Variants in ARHGEF18 observed in about 807,000 individuals in gnomAD.
The protein encoded by ARHGEF18 is rho guanine nucleotide exchange factor 18.
A neutral mutation model predicts 155.7 loss-of-function variants in ARHGEF18; 93 were observed. That is an observed-to-expected ratio of 0.60 (90% CI 0.50 to 0.71). The LOEUF (loss-of-function observed/expected upper bound fraction) is 0.71. Ranked by LOEUF, ARHGEF18 falls within the 30% of genes least tolerant of loss-of-function variation. The probability of loss-of-function intolerance (pLI) is 0.00; values close to 1 mark genes in which losing one functional copy is unlikely to be tolerated. For synonymous variants in ARHGEF18, 742 were observed against 753.1 expected (o/e 0.99, Z 0.24); for missense variants, 1,593 against 1,816.1 (o/e 0.88, Z 2.23).
chr19:7,445,365 T>G (rs1974922695), intron 14 of ARHGEF18, among the ~76,000 whole-genome samples: 1 of 152,088 alleles, frequency 6.6e-6, no homozygotes, highest in African/African-American at 2.4e-5. Flanking sequence ...GGAGGATCAC[T>G]TGAGCTTGAG....
chr19:7,356,394 C>T (rs1969307558), intron 1 of ARHGEF18, among the ~76,000 whole-genome samples: 1 of 151,792 alleles, frequency 6.6e-6, no homozygotes, highest in South Asian at 2.1e-4. Context: ...CTGCCTCAGC[C>T]TTTCGGGTAG....
chr19:7,473,728 T>G (rs1486870929), downstream of ARHGEF18, among the ~76,000 whole-genome samples: 2 of 145,258 alleles, frequency 1.4e-5, no homozygotes, highest in East Asian at 2.0e-4. Flanking sequence ...GAGAATGGCG[T>G]GAACCCAGGA....
Position 7,453,680 on chromosome 19 carries a change from T to C in ARHGEF18, c.2069T>C (p.Met690Thr), listed in dbSNP as rs1253395497. 2 of 1,597,128 alleles carry C rather than the reference T, an allele frequency of 1.3e-6. No individual in the cohort carries two copies. Among genetic ancestry groups the C allele is most frequent in the South Asian group, 1.1e-5 (1 of 89,388 alleles). Residue 690 changes from methionine (M) to threonine (T), a missense_variant, in exon 17 of 29, where the codon ATG becomes ACG. Physicochemically the swap from Met to Thr is moderately conservative, Grantham distance 81 (BLOSUM62 -1). Transcript: ENST00000668164. The part of the protein sequence containing the change: ...MLQRQLHLEG[M>T]LCWKTTSGRL... ...CAGCGGCAGCTCCACCTGGAGGGCA[T>C]GCTATGCTGGAAGACCACATCAGGG...
intron 1 of ARHGEF18, among the ~76,000 whole-genome samples, chr19:7,361,967 G>A (rs906279245): frequency 6.7e-6 from 1 of 149,142 alleles, no homozygotes; most frequent in Non-Finnish European, 1.5e-5. Context: ...ACTCCAGCTT[G>A]GGGGCAACAG....
At chr19:7,415,893 AT>A (rs1212059151) in intron 10 of ARHGEF18, among the ~76,000 whole-genome samples, 4 of 152,166 alleles carry the variant, frequency 2.6e-5, no homozygotes, top group Admixed American at 6.6e-5. Flanking sequence ...GCTTGCTAAA[AT>A]TTCTCTGTAA....
intron 15 of ARHGEF18, among the ~76,000 whole-genome samples, chr19:7,450,775 G>T (rs36179430): frequency 4.6e-3 from 2 of 432 alleles, no homozygotes; most frequent in South Asian, 0.056. Flanking sequence ...CGTTTCCACG[G>T]TGTTAATGCG....
chr19:7,475,559 C>CA (rs1407175176), downstream of ARHGEF18, among the ~76,000 whole-genome samples: 5 of 152,260 alleles, frequency 3.3e-5, no homozygotes, highest in East Asian at 9.6e-4. Flanking sequence ...CACACACACA[C>CA]AACCACTGGA....
rs139455982 is a variant in ARHGEF18 at position 7,447,815 on chromosome 19, A to G, written c.1737+647A>G. On this transcript the variant is annotated intron_variant, in intron 15 of 28. Coordinates refer to ENST00000668164, the MANE Select transcript of ARHGEF18 (RefSeq NM_001367823.1). ...TCGAGACCAGCCTGGGCAACATAGC[A>G]AGATCCTGTCTCTAAGAAAAATTTA... Among the ~76,000 whole-genome samples the G allele has an allele frequency of 5.1e-3, 774 of 151,916 alleles. 5 individuals are homozygous for G. The highest frequency in any genetic ancestry group is 0.018 in the African/African-American group (741 of 41,430).
intron 18 of ARHGEF18, among the ~76,000 whole-genome samples, chr19:7,457,573 G>T (rs1432943829): frequency 6.6e-6 from 1 of 151,716 alleles, no homozygotes; most frequent in Non-Finnish European, 1.5e-5. Flanking sequence ...ATGTTGGCCA[G>T]GCTGGTCTTG....
chr19:7,462,387 C>T lies in ARHGEF18; in HGVS notation c.2635+53C>T, dbSNP rs910611261. The T allele has an allele frequency of 3.5e-5, 52 of 1,499,112 alleles. No homozygotes were observed. The highest frequency in any genetic ancestry group is 4.4e-5 in the Non-Finnish European group (50 of 1,126,354). 92.9% of individuals were successfully genotyped at this position (1,499,112 alleles called of 1,614,324 possible). On this transcript the variant is annotated intron_variant, in intron 21 of 28. Coordinates refer to ENST00000668164, the MANE Select transcript of ARHGEF18 (RefSeq NM_001367823.1). This position sits in a 1 kb window ranked among gnomAD's most constrained non-coding sequence, Gnocchi z 4.4. ...TGCAGTCTTGCCGGGGTGGGCTCCT[C>T]AGGGAACCCCAGGCCAGGCTCACGG...
chr19:7,429,018 G>A (rs537810255), intron 10 of ARHGEF18, among the ~76,000 whole-genome samples: 1 of 152,254 alleles, frequency 6.6e-6, no homozygotes, highest in Non-Finnish European at 1.5e-5. Flanking sequence ...CGCAGGCCTA[G>A]GCCACGGGCC....
At chr19:7,456,151 G>A (rs1377153635) in intron 17 of ARHGEF18, among the ~76,000 whole-genome samples, 176 bp from the exon 18 acceptor site, 1 of 152,230 alleles carries the variant, frequency 6.6e-6, no homozygotes, top group East Asian at 1.9e-4. Flanking sequence ...GGTGCTGAAG[G>A]TTGAGACCTG....
chr19:7,353,222 A>T (rs1423441124), intron 1 of ARHGEF18, among the ~76,000 whole-genome samples: 3 of 151,620 alleles, frequency 2.0e-5, no homozygotes, highest in African/African-American at 7.3e-5. Flanking sequence ...TCACTCTTCC[A>T]ATTTTGTCCA....
intron 10 of ARHGEF18, among the ~76,000 whole-genome samples, chr19:7,397,761 G>A (rs570999150): frequency 1.3e-5 from 2 of 151,898 alleles, no homozygotes; most frequent in South Asian, 4.2e-4. Flanking sequence ...TTTTTGTGGG[G>A]TCTCGCTATG....
chr19:7,428,813 C>A lies in ARHGEF18; in HGVS notation c.968-11531C>A, dbSNP rs551782476. 5.3e-5 allele frequency among the ~76,000 whole-genome samples: 8 copies of A among 152,366 alleles called. No individual in the cohort carries two copies. The East Asian group carries it at 1.5e-3, about 29-fold the overall frequency. The stretch of plus-strand genomic sequence containing the variant: ...CTCCTAACTGTGCTCCCCGCCCTGC[C>A]CGACTGCATCCTTCGCCACAGGGCC... On this transcript the variant is annotated intron_variant, in intron 10 of 28. Transcript: ENST00000668164.
At chr19:7,393,823 T>C (rs2145525020) in intron 10 of ARHGEF18, among the ~76,000 whole-genome samples, 1 of 147,976 alleles carries the variant, frequency 6.8e-6, no homozygotes, top group East Asian at 2.0e-4. Context: ...TTTGGGGGTA[T>C]CTGCTGGACC....
At chr19:7,438,156 A>G (rs1195756908) in intron 10 of ARHGEF18, among the ~76,000 whole-genome samples, 2 of 142,016 alleles carry the variant, frequency 1.4e-5, no homozygotes, top group Non-Finnish European at 3.0e-5. Flanking sequence ...GCTGGAGTGC[A>G]GTGGCACAAT....
At chr19:7,425,448 G>A (rs1205046832) in intron 10 of ARHGEF18, among the ~76,000 whole-genome samples, 1 of 151,356 alleles carries the variant, frequency 6.6e-6, no homozygotes, top group Non-Finnish European at 1.5e-5. Flanking sequence ...ATTGGAGAGG[G>A]TGAGGCGGGC....
At chr19:7,374,333 C>T (rs373259600) in intron 3 of ARHGEF18, among the ~76,000 whole-genome samples, 1 of 152,082 alleles carries the variant, frequency 6.6e-6, no homozygotes, top group Non-Finnish European at 1.5e-5. Flanking sequence ...CATGCATGAA[C>T]ATAGAGCCTG....
Sources: gnomAD v4.1 joint callset for allele counts (sites outside exome capture counted in the v4.1 genomes callset) on GRCh38, gnomAD v4.1.1 for gene constraint, Gnocchi (gnomAD v3.1) non-coding constraint, MANE v1.5 for transcripts, NCBI Gene and HGNC (gene_info 2026-07-23, HGNC 2026-07-21) for gene names.